Variants in SERPINB3 observed in about 807,000 individuals in gnomAD.
SERPINB3 encodes serpin B3.
SERPINB3 carries 33 observed loss-of-function variants against 33.0 expected under a neutral mutation model. The ratio of observed to expected loss-of-function variants is 1.00; its 90% CI spans 0.76 to 1.34. The LOEUF (loss-of-function observed/expected upper bound fraction) is 1.34, where lower values mean the gene tolerates loss of function less well. Ranked by LOEUF, SERPINB3 falls within the 40% of genes most tolerant of loss-of-function variation. The pLI is 0.00. For missense variants in SERPINB3, 518 were observed against 461.5 expected (o/e 1.12, Z -1.12); for synonymous variants, 200 against 170.9 (o/e 1.17, Z -1.33).
At chr18:63,658,067 T>C (rs911146147) in intron 5 of SERPINB3, among the ~76,000 whole-genome samples, 1 of 152,094 alleles carries the variant, frequency 6.6e-6, no homozygotes, top group Admixed American at 6.6e-5. Flanking sequence ...AGAGATGTGA[T>C]CCAGGCAGCT....
chr18:63,657,621 C>T (rs1297452319), intron 5 of SERPINB3, among the ~76,000 whole-genome samples: 2 of 152,106 alleles, frequency 1.3e-5, no homozygotes, highest in African/African-American at 4.8e-5. Flanking sequence ...TAAAGTTGCC[C>T]TTAATGGAGA....
chr18:63,658,976 A>G (rs1013476963), intron 4 of SERPINB3, among the ~76,000 whole-genome samples: 3 of 152,104 alleles, frequency 2.0e-5, no homozygotes, highest in Non-Finnish European at 4.4e-5. Context: ...CTTTGTTTTT[A>G]TCTTTCATCC....
intron 5 of SERPINB3, 27 bp downstream of exon 5, chr18:63,658,486 T>C: frequency 6.3e-7 from 1 of 1,578,626 alleles, no homozygotes; most frequent in Non-Finnish European, 8.7e-7. Context: ...TTCTCAAAGG[T>C]GTTTCTATAA....
In SERPINB3 at chr18:63,656,919, ACATCCTC is replaced by A. The variant is rs748141618; in HGVS notation, c.673_679del (p.Glu225TyrfsTer15). On this transcript the variant is annotated frameshift_variant, in exon 7 of 8. Transcript: ENST00000283752. LOFTEE classifies it high-confidence loss of function. ...TGGTATTTCCAGGACCTTGGCCTGT[ACATCCTC>A]CAGCGAGGCAAAATGAAAAGATGTG... is the stretch of plus-strand genomic sequence containing the variant. 2 of 1,613,416 alleles carry A rather than the reference ACATCCTC, an allele frequency of 1.2e-6. No individual in the cohort carries two copies. The highest frequency in any genetic ancestry group is 8.5e-7 in the Non-Finnish European group (1 of 1,179,606).
intron 5 of SERPINB3, 56 bp from the exon 6 acceptor site, chr18:63,657,468 A>C (rs1598937420): frequency 1.4e-6 from 2 of 1,437,148 alleles, no homozygotes; most frequent in East Asian, 4.8e-5. Flanking sequence ...GCTTGTCTGG[A>C]AGATGCTTTG....
intron 5 of SERPINB3, 26 bp downstream of exon 5, chr18:63,658,487 G>A (rs1330594156): frequency 4.4e-6 from 7 of 1,585,694 alleles, no homozygotes; most frequent in Non-Finnish European, 5.2e-6. Context: ...TCTCAAAGGT[G>A]TTTCTATAAT....
Position 63,656,091 on chromosome 18 carries a change from G to A in SERPINB3, c.769-30C>T, listed in dbSNP as rs759764781. 46 of 1,599,678 alleles carry A rather than the reference G, an allele frequency of 2.9e-5. No homozygotes were observed. In the South Asian group the frequency reaches 4.9e-4, roughly 17 times the overall value. On this transcript the variant is annotated intron_variant, in intron 7 of 7. Coordinates refer to ENST00000283752, the MANE Select transcript of SERPINB3 (RefSeq NM_006919.3). ...ACAAATGGAAAAAAGAAACTGATAT[G>A]ACTAACTGTTGATTTCTAATACACC... is the stretch of plus-strand genomic sequence containing the variant.
chr18:63,659,916 T>C (rs1335638065), intron 3 of SERPINB3, among the ~76,000 whole-genome samples: 1 of 152,176 alleles, frequency 6.6e-6, no homozygotes, highest in African/African-American at 2.4e-5. Flanking sequence ...AGGTTGGATA[T>C]TTTAAATAGA....
Position 63,656,250 on chromosome 18 carries a change from A to C in SERPINB3, c.769-189T>G, listed in dbSNP as rs574292332. 2.2e-3 allele frequency among the ~76,000 whole-genome samples: 340 copies of C among 151,114 alleles called. No individual in the cohort carries two copies. The highest frequency in any genetic ancestry group is 3.9e-3 in the Non-Finnish European group (262 of 68,016). On this transcript the variant is annotated intron_variant, in intron 7 of 7. Coordinates refer to ENST00000283752, the MANE Select transcript of SERPINB3 (RefSeq NM_006919.3). ...TGGATATATAAATACATTGGGTTATATGTGTATGTGTATAAACAGAATCAA... is the reference window on the plus strand; with the variant it reads ...TGGATATATAAATACATTGGGTTATCTGTGTATGTGTATAAACAGAATCAA...
chr18:63,659,743 C>A (rs1381456795), intron 3 of SERPINB3, among the ~76,000 whole-genome samples: 1 of 152,148 alleles, frequency 6.6e-6, no homozygotes, highest in East Asian at 1.9e-4. Context: ...TAATGTACTG[C>A]AATCTTTTCT....
rs569308712 is a variant in SERPINB3 at position 63,658,402 on chromosome 18, T to C, written c.469+111A>G. ...TCATCTGGAGTGCCCTCTTCTTCCC[T>C]CCCTGCAAAGCCATCTCAATTCCCA... On this transcript the variant is annotated intron_variant, in intron 5 of 7. Coordinates refer to ENST00000283752, the MANE Select transcript of SERPINB3 (RefSeq NM_006919.3). 1,778 of 876,336 alleles carry C rather than the reference T, an allele frequency of 2.0e-3. 13 individuals are homozygous for C. The highest frequency in any genetic ancestry group is 5.5e-4 in the Non-Finnish European group (307 of 553,184). 54.3% of individuals were successfully genotyped at this position (876,336 alleles called of 1,614,324 possible).
At chr18:63,657,603 C>T (rs574112669) in intron 5 of SERPINB3, among the ~76,000 whole-genome samples, 191 bp from the exon 6 acceptor site, 10 of 152,186 alleles carry the variant, frequency 6.6e-5, no homozygotes, top group African/African-American at 1.4e-4. Context: ...TTCAAGGCTC[C>T]AGTCGTATAA....
chr18:63,657,238 AT>A, intron 6 of SERPINB3, 31 bp downstream of exon 6: 1 of 1,173,534 alleles, frequency 8.5e-7, no homozygotes, highest in Non-Finnish European at 1.2e-6. Flanking sequence ...TTATTAACAT[AT>A]TACATTATAT....
chr18:63,658,435 TC>T (rs1913553700), intron 5 of SERPINB3, 77 bp downstream of exon 5: 2 of 1,186,436 alleles, frequency 1.7e-6, no homozygotes, highest in African/African-American at 1.5e-5. Flanking sequence ...CCACCCATGG[TC>T]CCCCATGCAG....
At chr18:63,657,670 G>T (rs182285654) in intron 5 of SERPINB3, among the ~76,000 whole-genome samples, 1 of 152,092 alleles carries the variant, frequency 6.6e-6, no homozygotes, top group Admixed American at 6.6e-5. Context: ...CACGTTCTCT[G>T]TGTATGAATG....
chr18:63,655,784 ACAGCGGTGG>A lies in SERPINB3; in HGVS notation c.1037_1045del (p.Ala346_Ala348del). 6.2e-7 allele frequency: 1 copy of A among 1,614,042 alleles called. No homozygotes were observed. The highest frequency in any genetic ancestry group is 8.5e-7 in the Non-Finnish European group (1 of 1,179,952). ...AGTAGGTGATGATCCGAATCCTACT[ACAGCGGTGG>A]CAGCTGCAGCTTCTGCTCCCTCCTC... is the stretch of plus-strand genomic sequence containing the variant. On this transcript the variant is annotated inframe_deletion, in exon 8 of 8. Transcript: ENST00000283752.
chr18:63,658,374 T>C, intron 5 of SERPINB3, 139 bp downstream of exon 5: 1 of 660,348 alleles, frequency 1.5e-6, no homozygotes, highest in Non-Finnish European at 2.6e-6. Flanking sequence ...TTGGAAAAAC[T>C]CTTCATCTGG....
intron 6 of SERPINB3, 72 bp downstream of exon 6, chr18:63,657,198 C>A: frequency 2.1e-6 from 2 of 932,800 alleles, no homozygotes; most frequent in South Asian, 4.7e-5. Context: ...TTTTACTTGT[C>A]ATGGTACATT....
At chr18:63,659,569 A>G (rs550466387) in intron 3 of SERPINB3, 42 bp from the exon 4 acceptor site, 85 of 1,612,724 alleles carry the variant, frequency 5.3e-5, no homozygotes, top group African/African-American at 1.1e-4. Context: ...TGCTGTATCA[A>G]TGTAAATACT....
Sources: gnomAD v4.1 joint callset for allele counts (sites outside exome capture counted in the v4.1 genomes callset) on GRCh38, gnomAD v4.1.1 for gene constraint, MANE v1.5 for transcripts, NCBI Gene and HGNC (gene_info 2026-07-23, HGNC 2026-07-21) for gene names.